ENAM: variants seen among roughly 807,000 people sequenced by gnomAD.
ENAM encodes the protein enamelin.
ENAM carries 21 observed loss-of-function variants against 33.6 expected under a neutral mutation model. The observed-to-expected ratio is 0.63, with a 90% CI of 0.44 to 0.90. The LOEUF (loss-of-function observed/expected upper bound fraction) is 0.90. Among genes scored for constraint, ENAM ranks in the 40% least tolerant of loss-of-function variants. ENAM has a pLI of 0.00. For missense variants in ENAM, 1,388 were observed against 1,366.9 expected, an observed-to-expected ratio of 1.02 and a Z score of -0.24; for synonymous variants, 473 against 468.4, an observed-to-expected ratio of 1.01 and a Z score of -0.13.
At chr4:70,629,858 T>A (rs1166193533) in intron 2 of ENAM, among the ~76,000 whole-genome samples, 2 of 152,180 alleles carry the variant, frequency 1.3e-5, no homozygotes, top group Non-Finnish European at 2.9e-5. Context: ...ATGAGTTTTC[T>A]ATTTGCAAAT....
In ENAM at chr4:70,642,118, A is replaced by T; in HGVS notation, c.692A>T (p.Asp231Val). The T allele has an allele frequency of 6.2e-7, 1 of 1,614,150 alleles. No homozygotes were observed. Among genetic ancestry groups the T allele is most frequent in the Non-Finnish European group, 8.5e-7 (1 of 1,179,972 alleles). Residue 231 changes from aspartate to valine, a missense_variant, in exon 9 of 9, where the codon GAT (aspartate) becomes GTT (valine). By Grantham distance (152) the Asp-to-Val change is radical. Coordinates refer to ENST00000396073, the MANE Select transcript of ENAM (RefSeq NM_031889.3). ...EQDFEKPKEE[D>V]PPKAESPGTE... ...GATTTTGAAAAACCCAAAGAAGAAG[A>T]TCCTCCTAAAGCAGAAAGTCCAGGC...
intron 2 of ENAM, 68 bp from the exon 3 acceptor site, chr4:70,631,602 A>G (rs1738321731): frequency 1.8e-6 from 2 of 1,131,936 alleles, no homozygotes; most frequent in East Asian, 2.3e-5. Flanking sequence ...TAGTACTTAG[A>G]TAAGTGCAGA....
chr4:70,644,069 G>A lies in ENAM; in HGVS notation c.2643G>A (p.Gly881=), dbSNP rs775640065. 6.3e-5 allele frequency: 102 copies of A among 1,613,932 alleles called. No homozygotes were observed. The highest frequency in any genetic ancestry group is 8.1e-5 in the Non-Finnish European group (96 of 1,180,016). The change falls in exon 9 of 9, where the codon GGG becomes GGA. Residue 881 remains glycine (G), a synonymous_variant. Transcript: ENST00000396073. The part of the protein sequence containing the change: ...RGSCCAGSST[G]PKDNPLALQD... ...CTTGCTGTGCTGGTAGCTCCACAGGGCCCAAGGACAATCCACTAGCTCTAC... is the reference window on the plus strand; with the variant it reads ...CTTGCTGTGCTGGTAGCTCCACAGGACCCAAGGACAATCCACTAGCTCTAC...
Position 70,643,724 on chromosome 4 carries a change from G to A in ENAM, c.2298G>A (p.Trp766Ter). 6.2e-7 allele frequency: 1 copy of A among 1,614,054 alleles called. No individual in the cohort carries two copies. Among genetic ancestry groups the A allele is most frequent in the South Asian group, 1.1e-5 (1 of 91,084 alleles). ...ESTLFPSRNS[W>*]DHRIQAQGQR... is the part of the protein sequence containing the mutation. ...CTCTATTTCCTTCACGGAATTCCTG[G>A]GACCACAGGATACAAGCCCAAGGGC... The change falls in exon 9 of 9, where the codon TGG (tryptophan) becomes TGA (stop). Residue 766 changes from tryptophan (W) to a stop codon, truncating the protein, a stop_gained. Coordinates refer to ENST00000396073, the MANE Select transcript of ENAM (RefSeq NM_031889.3). LOFTEE classifies it low-confidence loss of function (END_TRUNC).
At chr4:70,630,177 C>T (rs934213553) in intron 2 of ENAM, among the ~76,000 whole-genome samples, 10 of 152,188 alleles carry the variant, frequency 6.6e-5, no homozygotes, top group African/African-American at 2.4e-4. Flanking sequence ...TGTTTAATTA[C>T]ATTCTGCCAA....
At chr4:70,630,146 T>C (rs975205600) in intron 2 of ENAM, among the ~76,000 whole-genome samples, 2 of 152,206 alleles carry the variant, frequency 1.3e-5, no homozygotes, top group Non-Finnish European at 2.9e-5. Flanking sequence ...AGGAAAGGTA[T>C]TTACATACTA....
chr4:70,642,300 C>A lies in ENAM; in HGVS notation c.874C>A (p.Leu292Ile). Residue 292 changes from leucine (L) to isoleucine (I), a missense_variant, in exon 9 of 9, where the codon CTC (leucine) becomes ATC (isoleucine). Physicochemically the swap from Leu to Ile is conservative, Grantham distance 5 (BLOSUM62 2). Coordinates refer to ENST00000396073, the MANE Select transcript of ENAM (RefSeq NM_031889.3). ...TCCAGCTCAAAATGGGATTGGCCCA[C>A]TCCCTGCAGTCAACGCTTCAGGCCA... ...NPPAQNGIGPLPAVNASGQGG... is the reference protein window; with the variant it reads ...NPPAQNGIGPIPAVNASGQGG... 6.2e-7 allele frequency: 1 copy of A among 1,614,190 alleles called. No individual in the cohort carries two copies. The highest frequency in any genetic ancestry group is 8.5e-7 in the Non-Finnish European group (1 of 1,180,036).
intron 6 of ENAM, among the ~76,000 whole-genome samples, chr4:70,635,343 C>T (rs548222181): frequency 3.9e-4 from 59 of 152,294 alleles, no homozygotes; most frequent in Non-Finnish European, 7.9e-4. Context: ...CGCCACTGCA[C>T]TCCAGCCTGG....
Position 70,643,921 on chromosome 4 carries a change from G to T in ENAM, c.2495G>T (p.Gly832Val), listed in dbSNP as rs370902392. ...CATGAAGGTGAGAATTTGAACTATGGCATGCAAATAACTAGGATGAATTCT... is the reference window on the plus strand; with the variant it reads ...CATGAAGGTGAGAATTTGAACTATGTCATGCAAATAACTAGGATGAATTCT... ...IWHEGENLNY[G>V]MQITRMNSPE... The change falls in exon 9 of 9, where the codon GGC becomes GTC. Residue 832 changes from glycine (G) to valine (V), a missense_variant. Transcript: ENST00000396073. The T allele has an allele frequency of 2.5e-5, 40 of 1,614,062 alleles. No homozygotes were observed. The South Asian group carries it at 4.4e-4, about 18-fold the overall frequency.
chr4:70,630,411 G>T (rs972664927), intron 2 of ENAM, among the ~76,000 whole-genome samples: 1 of 152,154 alleles, frequency 6.6e-6, no homozygotes, highest in African/African-American at 2.4e-5. Flanking sequence ...CTAGGAAATG[G>T]ACTATATCTG....
chr4:70,639,150 C>T (rs555098736), intron 8 of ENAM, among the ~76,000 whole-genome samples: 4 of 152,150 alleles, frequency 2.6e-5, no homozygotes, highest in Non-Finnish European at 4.4e-5. Flanking sequence ...TGGTATAAGG[C>T]GCTCTCAAAT....
At chr4:70,637,240 G>A (rs1038443990) in intron 7 of ENAM, among the ~76,000 whole-genome samples, 8 of 152,050 alleles carry the variant, frequency 5.3e-5, no homozygotes, top group Admixed American at 4.6e-4. Context: ...GCAGAAACTC[G>A]GCCTCCAAGT....
chr4:70,631,569 C>T, intron 2 of ENAM, 101 bp from the exon 3 acceptor site: 1 of 892,404 alleles, frequency 1.1e-6, no homozygotes, highest in South Asian at 1.4e-5. Context: ...CATTTCCATA[C>T]TCTCCTTGAC....
In ENAM at chr4:70,642,063, C is replaced by A. The variant is rs369065889; in HGVS notation, c.637C>A (p.Pro213Thr). 6.2e-7 allele frequency: 1 copy of A among 1,613,894 alleles called. No individual in the cohort carries two copies. Among genetic ancestry groups the A allele is most frequent in the Non-Finnish European group, 8.5e-7 (1 of 1,179,942 alleles). Residue 213 changes from proline to threonine, a missense_variant, in exon 9 of 9, where the codon CCT becomes ACT. Transcript: ENST00000396073. ...ATATCATGGCTTTGGGGGTCGCCCT[C>A]CTTATTATTCAGAAGAAATGTTTGA... ...FGYHGFGGRP[P>T]YYSEEMFEQD...
rs964339257 is a variant in ENAM, at chr4:70,644,186, A to T, written c.2760A>T (p.Arg920Ser). ...ACGGTAGTCATACCAAGCAGACAAG[A>T]GATATCATCTCCCCAACAAGCATCC... ...YTDGSHTKQTRDIISPTSILP... is the reference protein window; with the variant it reads ...YTDGSHTKQTSDIISPTSILP... The change falls in exon 9 of 9, where the codon AGA becomes AGT. Residue 920 changes from arginine (R) to serine (S), a missense_variant. Coordinates refer to ENST00000396073, the MANE Select transcript of ENAM (RefSeq NM_031889.3). 7.4e-6 allele frequency: 12 copies of T among 1,614,042 alleles called. No homozygotes were observed. Among genetic ancestry groups the T allele is most frequent in the Non-Finnish European group, 1.0e-5 (12 of 1,180,032 alleles).
At chr4:70,630,744 A>ATT (rs565795356) in intron 2 of ENAM, among the ~76,000 whole-genome samples, 3 of 142,412 alleles carry the variant, frequency 2.1e-5, no homozygotes, top group Admixed American at 7.0e-5. Flanking sequence ...AGCATAAGTG[A>ATT]TTTTTTTTTT....
Position 70,643,107 on chromosome 4 carries a change from C to T in ENAM, c.1681C>T (p.Pro561Ser). The T allele has an allele frequency of 6.2e-7, 1 of 1,613,984 alleles. No individual in the cohort carries two copies. Among genetic ancestry groups the T allele is most frequent in the Non-Finnish European group, 8.5e-7 (1 of 1,180,010 alleles). The stretch of plus-strand genomic sequence containing the variant: ...CCCTTCTCCTGCAAAAGAACATTTT[C>T]CTGCTGGAAGAAATACTTGGGACCA... ...EIPSPAKEHF[P>S]AGRNTWDHQE... The change falls in exon 9 of 9, where the codon CCT (proline) becomes TCT (serine). Residue 561 changes from proline to serine, a missense_variant. Transcript: ENST00000396073.
At chr4:70,639,207 C>T (rs563855020) in intron 8 of ENAM, among the ~76,000 whole-genome samples, 1 of 152,272 alleles carries the variant, frequency 6.6e-6, no homozygotes, top group Non-Finnish European at 1.5e-5. Context: ...TAATTGTATG[C>T]AACCTAGAAA....
intron 8 of ENAM, among the ~76,000 whole-genome samples, chr4:70,640,150 C>T (rs1017550710): frequency 1.3e-5 from 2 of 152,174 alleles, no homozygotes; most frequent in African/African-American, 2.4e-5. Flanking sequence ...CCACTCTCCT[C>T]GGTACTGGAA....
Sources: gnomAD v4.1 joint callset for allele counts (sites outside exome capture counted in the v4.1 genomes callset) on GRCh38, gnomAD v4.1.1 for gene constraint, MANE v1.5 for transcripts, NCBI Gene and HGNC (gene_info 2026-07-23, HGNC 2026-07-21) for gene names.